The following SNX29 variants were observed in gnomAD, a reference collection of about 807,000 sequenced individuals.
The protein encoded by SNX29 is sorting nexin 29.
A neutral mutation model predicts 102.1 loss-of-function variants in SNX29; 78 were observed. The observed-to-expected ratio is 0.76, with a 90% CI of 0.64 to 0.92. SNX29 has a LOEUF of 0.92. Ranked by LOEUF, SNX29 falls within the 40% of genes least tolerant of loss-of-function variation. The pLI, the probability that SNX29 is intolerant of heterozygous loss-of-function variation, is 0.00. For synonymous variants in SNX29, 580 were observed against 414.5 expected (o/e 1.40, Z -4.85); for missense variants, 1,280 against 1,061.7 (o/e 1.21, Z -2.86).
At chr16:12,401,899 G>T (rs1293832203) in intron 17 of SNX29, among the ~76,000 whole-genome samples, 1 of 152,184 alleles carries the variant, frequency 6.6e-6, no homozygotes, top group African/African-American at 2.4e-5. Context: ...TGTGGTCAAT[G>T]CACTGAAAGA....
intron 13 of SNX29, among the ~76,000 whole-genome samples, chr16:12,166,561 T>G (rs1258943712): frequency 1.3e-5 from 2 of 152,202 alleles, no homozygotes; most frequent in Non-Finnish European, 2.9e-5. Flanking sequence ...TTGGAGCTGA[T>G]TATGGTATTG....
At chr16:12,154,037 TTAGATG>T (rs1180538888) in intron 13 of SNX29, among the ~76,000 whole-genome samples, 2 of 152,222 alleles carry the variant, frequency 1.3e-5, no homozygotes, top group African/African-American at 4.8e-5. Context: ...TTAAGAACAA[TTAGATG>T]TAAAGTCCTC....
At chr16:12,085,064 G>A (rs1315508349) in intron 11 of SNX29, among the ~76,000 whole-genome samples, 1 of 151,486 alleles carries the variant, frequency 6.6e-6, no homozygotes, top group African/African-American at 2.4e-5. Context: ...GGCTAGACCC[G>A]TCTCAAAAAG....
At chr16:12,199,564 T>C in intron 13 of SNX29, 37 bp from the exon 14 acceptor site, 2 of 1,564,868 alleles carry the variant, frequency 1.3e-6, no homozygotes, top group Non-Finnish European at 1.7e-6. Flanking sequence ...TTGTCACTTT[T>C]TAAATATATA....
At chr16:12,053,020 G>C in intron 8 of SNX29, 1 of 152,538 alleles carries the variant, frequency 6.6e-6, no homozygotes. Flanking sequence ...GCCAGGCGCA[G>C]TGGCTCACAC....
chr16:12,345,050 C>T (rs140758681), intron 15 of SNX29, among the ~76,000 whole-genome samples: 53 of 152,288 alleles, frequency 3.5e-4, no homozygotes, highest in African/African-American at 6.7e-4. Flanking sequence ...CCCCTTTTTC[C>T]GCTGACCCTC....
intron 13 of SNX29, among the ~76,000 whole-genome samples, chr16:12,183,296 T>C (rs748883267): frequency 6.6e-6 from 1 of 152,232 alleles, no homozygotes; most frequent in Admixed American, 6.5e-5. Context: ...CCATGGCACC[T>C]AGACAAATAC....
At chr16:12,299,074 T>A (rs1441615533) in intron 15 of SNX29, among the ~76,000 whole-genome samples, 1 of 149,022 alleles carries the variant, frequency 6.7e-6, no homozygotes, top group Non-Finnish European at 1.5e-5. Flanking sequence ...TCAAGGTAGG[T>A]GAATCACTTG....
At chr16:12,162,870 C>G (rs935764335) in intron 13 of SNX29, among the ~76,000 whole-genome samples, 1 of 151,786 alleles carries the variant, frequency 6.6e-6, no homozygotes, top group Non-Finnish European at 1.5e-5. Flanking sequence ...TATCACACAA[C>G]ATAGTTGTTG....
At chr16:12,513,465 C>T (rs531654040) in intron 19 of SNX29, among the ~76,000 whole-genome samples, 1 of 152,046 alleles carries the variant, frequency 6.6e-6, no homozygotes, top group Non-Finnish European at 1.5e-5. Context: ...CTGCTCTCTC[C>T]TTCCCTTCCG....
At chr16:12,553,997 G>T (rs927402715) in intron 20 of SNX29, among the ~76,000 whole-genome samples, 1 of 152,094 alleles carries the variant, frequency 6.6e-6, no homozygotes, top group Non-Finnish European at 1.5e-5. Context: ...GCTAATTTTT[G>T]TATTTTTAGT....
In SNX29 at chr16:12,569,960, T is replaced by C. The variant is rs1032504932; in HGVS notation, c.*1331T>C. On this transcript the variant is annotated 3_prime_UTR_variant, in exon 21 of 21. Coordinates refer to ENST00000566228, the MANE Select transcript of SNX29 (RefSeq NM_032167.5). ...CAGGTGGAAGGTGACGGTTAGATGG[T>C]AAGCCATGGGCTTGTCCTGGAACTG... 4.2e-6 allele frequency: 1 copy of C among 236,158 alleles called. No individual in the cohort carries two copies. Among genetic ancestry groups the C allele is most frequent in the Non-Finnish European group, 8.3e-6 (1 of 121,028 alleles). 14.6% of individuals were successfully genotyped at this position (236,158 alleles called of 1,614,324 possible).
intron 20 of SNX29, among the ~76,000 whole-genome samples, chr16:12,551,344 C>G (rs953243867): frequency 6.6e-5 from 10 of 152,310 alleles, no homozygotes; most frequent in Middle Eastern, 3.4e-3. Flanking sequence ...TGGAATCATT[C>G]TTTTGGGGGC....
chr16:12,306,244 G>A (rs2080333941), intron 15 of SNX29, among the ~76,000 whole-genome samples: 2 of 152,112 alleles, frequency 1.3e-5, no homozygotes, highest in Non-Finnish European at 2.9e-5. Context: ...TCGAAATTCT[G>A]TGTACTCTTA....
At chr16:12,507,470 A>T (rs186066466) in intron 19 of SNX29, among the ~76,000 whole-genome samples, 2 of 152,204 alleles carry the variant, frequency 1.3e-5, no homozygotes, top group African/African-American at 4.8e-5. Context: ...ACAGATTTCA[A>T]TGCCAGACTC....
rs185376026 is a variant in SNX29, at chr16:12,535,077, A to G, written c.2318+10236A>G. Among the ~76,000 whole-genome samples, 15 of 152,320 alleles carry G rather than the reference A, an allele frequency of 9.8e-5. No homozygotes were observed. The East Asian group carries it at 2.1e-3, about 22-fold the overall frequency. ...GCACTGGGACTCCACAGTCAAGAAA[A>G]AGAGAGAGGGAGGAGAAACCAACAT... On this transcript the variant is annotated intron_variant, in intron 20 of 20. Coordinates refer to ENST00000566228, the MANE Select transcript of SNX29 (RefSeq NM_032167.5).
chr16:12,155,057 C>A (rs1456507818), intron 13 of SNX29, among the ~76,000 whole-genome samples: 1 of 151,648 alleles, frequency 6.6e-6, no homozygotes, highest in Non-Finnish European at 1.5e-5. Context: ...CTGCCTCCCA[C>A]CCCCCTTGCC....
intron 16 of SNX29, among the ~76,000 whole-genome samples, chr16:12,389,312 C>G (rs907406496): frequency 5.3e-5 from 8 of 152,168 alleles, no homozygotes; most frequent in African/African-American, 1.9e-4. Flanking sequence ...GTAGCCCCCA[C>G]CATTCCCACA....
chr16:12,317,584 T>A (rs2080791363), intron 15 of SNX29, among the ~76,000 whole-genome samples: 1 of 152,228 alleles, frequency 6.6e-6, no homozygotes, highest in African/African-American at 2.4e-5. Context: ...TAGATTTCTG[T>A]GTGCTGCCAC....
Sources: gnomAD v4.1 joint callset for allele counts (sites outside exome capture counted in the v4.1 genomes callset) on GRCh38, gnomAD v4.1.1 for gene constraint, MANE v1.5 for transcripts, NCBI Gene and HGNC (gene_info 2026-07-23, HGNC 2026-07-21) for gene names.